The following PARD6G variants were observed in gnomAD, a reference collection of about 807,000 sequenced individuals.
PARD6G encodes the protein partitioning defective 6 homolog gamma.
PARD6G carries 7 observed loss-of-function variants against 10.7 expected under a neutral mutation model. The observed-to-expected ratio is 0.66, with a 90% CI of 0.37 to 1.23. The LOEUF (loss-of-function observed/expected upper bound fraction) is 1.23, where lower values mean the gene tolerates loss of function less well. PARD6G is among the 50% of genes most tolerant of loss of function. The probability of loss-of-function intolerance (pLI) is 0.02; values close to 1 mark genes in which losing one functional copy is unlikely to be tolerated. For synonymous variants in PARD6G, 287 were observed against 269.4 expected (o/e 1.07, Z -0.64); for missense variants, 548 against 571.8 (o/e 0.96, Z 0.42).
At chr18:80,190,058 G>C (rs1228161061) in intron 2 of PARD6G, among the ~76,000 whole-genome samples, 1 of 152,174 alleles carries the variant, frequency 6.6e-6, no homozygotes, top group Non-Finnish European at 1.5e-5. Context: ...TGACTTTCAA[G>C]AGGTTCCCAG....
intron 1 of PARD6G, among the ~76,000 whole-genome samples, chr18:80,205,942 C>G (rs778798465): frequency 3.3e-5 from 5 of 152,194 alleles, no homozygotes; most frequent in Non-Finnish European, 5.9e-5. Context: ...ATATAATTCT[C>G]ACTTCAGTAT....
At chr18:80,237,049 C>A (rs1412187589) in intron 1 of PARD6G, among the ~76,000 whole-genome samples, 1 of 152,130 alleles carries the variant, frequency 6.6e-6, no homozygotes, top group East Asian at 1.9e-4. Context: ...CAAGTCAATC[C>A]TAAGCCAAAA....
intron 1 of PARD6G, among the ~76,000 whole-genome samples, chr18:80,206,547 G>T (rs886436455): frequency 6.6e-6 from 1 of 152,256 alleles, no homozygotes; most frequent in Non-Finnish European, 1.5e-5. Context: ...ATATAAAGTT[G>T]TCCTAACTGA....
chr18:80,234,566 T>G (rs1300515591), intron 1 of PARD6G, among the ~76,000 whole-genome samples: 1 of 151,774 alleles, frequency 6.6e-6, no homozygotes, highest in African/African-American at 2.4e-5. Flanking sequence ...GAGTCATAGG[T>G]AAGATCAATG....
intron 1 of PARD6G, among the ~76,000 whole-genome samples, chr18:80,245,990 G>A (rs1015749576): frequency 2.0e-5 from 3 of 152,076 alleles, no homozygotes; most frequent in Admixed American, 6.5e-5. Context: ...TGCTGTTGCT[G>A]GGACACCTCC....
At chr18:80,219,073 C>G (rs7236219) in intron 1 of PARD6G, among the ~76,000 whole-genome samples, 128,985 of 152,310 alleles carry the variant, frequency 0.85, 54,755 homozygotes, top group Non-Finnish European at 0.87. Flanking sequence ...CCTGTGATGA[C>G]AGGGGGCTGC....
In PARD6G at chr18:80,205,232, G is replaced by A. The variant is rs117592957; in HGVS notation, c.73-2300C>T. 3.7e-3 allele frequency among the ~76,000 whole-genome samples: 570 copies of A among 152,260 alleles called. 5 individuals are homozygous for A. Among genetic ancestry groups the A allele is most frequent in the Non-Finnish European group, 5.7e-3 (385 of 68,022 alleles). On this transcript the variant is annotated intron_variant, in intron 1 of 2. Coordinates refer to ENST00000353265, the MANE Select transcript of PARD6G (RefSeq NM_032510.4). ...AAACGTTCACCCAAGGATGACACTG[G>A]TACAGCATGTAGGCGATGCAGATTC...
intron 1 of PARD6G, among the ~76,000 whole-genome samples, chr18:80,234,520 T>C (rs1486406235): frequency 6.6e-6 from 1 of 152,102 alleles, no homozygotes; most frequent in Non-Finnish European, 1.5e-5. Flanking sequence ...GGTCACAGTC[T>C]CTGTGTACAC....
intron 1 of PARD6G, among the ~76,000 whole-genome samples, chr18:80,239,259 G>A (rs1385022434): frequency 6.6e-6 from 1 of 151,726 alleles, no homozygotes; most frequent in East Asian, 1.9e-4. Context: ...TGTACCAGAA[G>A]TGCTCTGGTC....
rs948973746 is a variant in PARD6G, at chr18:80,158,813, T to C, written c.*958A>G. The C allele has an allele frequency of 1.3e-5, 2 of 151,844 alleles. No individual in the cohort carries two copies. Among genetic ancestry groups the C allele is most frequent in the African/African-American group, 4.8e-5 (2 of 41,304 alleles). 9.4% of individuals were successfully genotyped at this position (151,844 alleles called of 1,614,324 possible). A position where few individuals can be genotyped will look rare whatever the true frequency, so the allele number is the denominator to read the frequency against. ...TGAGCTGAGATCCCTCCAGCTTGGATGACAGAACAAGACACTATGTCTCAA... is the reference window on the plus strand; with the variant it reads ...TGAGCTGAGATCCCTCCAGCTTGGACGACAGAACAAGACACTATGTCTCAA... On this transcript the variant is annotated 3_prime_UTR_variant, in exon 3 of 3. Transcript: ENST00000353265.
At position 80,192,489 on chromosome 18, in the gene PARD6G, G is replaced by A. The variant is rs1475817753; in HGVS notation, c.295+10221C>T. On this transcript the variant is annotated intron_variant, in intron 2 of 2. Coordinates refer to ENST00000353265, the MANE Select transcript of PARD6G (RefSeq NM_032510.4). This position sits in a 1 kb window ranked among gnomAD's most constrained non-coding sequence, Gnocchi z 4.9. ...GGGGACGGGGGAGAGCAGGTGCCAC[G>A]GCGGGAGCCCAGGGGACGGGGGAGA... Among the ~76,000 whole-genome samples the A allele has an allele frequency of 2.7e-5, 4 of 149,186 alleles. No individual in the cohort carries two copies. Among genetic ancestry groups the A allele is most frequent in the African/African-American group, 2.5e-5 (1 of 40,432 alleles).
intron 1 of PARD6G, among the ~76,000 whole-genome samples, chr18:80,224,789 G>C (rs779440652): frequency 3.3e-5 from 5 of 152,094 alleles, no homozygotes; most frequent in Non-Finnish European, 5.9e-5. Context: ...GGAGGTTGCA[G>C]TGAGCCGAGA....
chr18:80,240,047 C>G (rs541999192), intron 1 of PARD6G, among the ~76,000 whole-genome samples: 1 of 152,270 alleles, frequency 6.6e-6, no homozygotes, highest in Non-Finnish European at 1.5e-5. Context: ...ACAACCAGCT[C>G]TTGCTAGAAC....
At chr18:80,241,809 A>G (rs116642537) in intron 1 of PARD6G, among the ~76,000 whole-genome samples, 3,830 of 152,214 alleles carry the variant, frequency 0.025, 155 homozygotes, top group African/African-American at 0.088. Flanking sequence ...AACCACCTGG[A>G]AGGTTCTGCT....
chr18:80,209,752 C>T (rs1967088481), intron 1 of PARD6G, among the ~76,000 whole-genome samples: 2 of 152,178 alleles, frequency 1.3e-5, no homozygotes, highest in African/African-American at 4.8e-5. Context: ...GTGGAGTCTG[C>T]AGTGAAGTGA....
Position 80,228,733 on chromosome 18 carries a change from C to G in PARD6G, c.72+18544G>C, listed in dbSNP as rs1227379253. 6.6e-6 allele frequency among the ~76,000 whole-genome samples: 1 copy of G among 152,128 alleles called. No homozygotes were observed. The highest frequency in any genetic ancestry group is 6.5e-5 in the Admixed American group (1 of 15,272). On this transcript the variant is annotated intron_variant, in intron 1 of 2. Transcript: ENST00000353265. This position sits in a 1 kb window ranked among gnomAD's most constrained non-coding sequence, Gnocchi z 4.6. ...CTCCACCAAAGACCTGCCTCACACC[C>G]CCAGGGGCCTGCCTCCCATCTAAGG...
At chr18:80,214,102 G>A (rs1220876863) in intron 1 of PARD6G, among the ~76,000 whole-genome samples, 1 of 152,074 alleles carries the variant, frequency 6.6e-6, no homozygotes, top group South Asian at 2.1e-4. Flanking sequence ...TTTTAAATTA[G>A]CTATTATAAA....
At chr18:80,208,894 C>T (rs1287258625) in intron 1 of PARD6G, among the ~76,000 whole-genome samples, 4 of 152,014 alleles carry the variant, frequency 2.6e-5, no homozygotes, top group Non-Finnish European at 5.9e-5. Flanking sequence ...AGGGAGAGTC[C>T]GAGACCAGTC....
chr18:80,221,047 C>G (rs769243585), intron 1 of PARD6G, among the ~76,000 whole-genome samples: 5 of 152,068 alleles, frequency 3.3e-5, no homozygotes, highest in Admixed American at 2.0e-4. Flanking sequence ...AAATTTATAA[C>G]AAGATATTGA....
Sources: gnomAD v4.1 joint callset for allele counts (sites outside exome capture counted in the v4.1 genomes callset) on GRCh38, gnomAD v4.1.1 for gene constraint, Gnocchi (gnomAD v3.1) non-coding constraint, MANE v1.5 for transcripts, NCBI Gene and HGNC (gene_info 2026-07-23, HGNC 2026-07-21) for gene names.